Variants in CNTNAP3 observed in about 807,000 individuals in gnomAD.
CNTNAP3 encodes contactin associated protein family member 3, also known as contactin-associated protein-like 3.
Under a neutral mutation model 92.1 loss-of-function variants are expected in CNTNAP3, and 36 were observed. The ratio of observed to expected loss-of-function variants is 0.39; its 90% CI spans 0.30 to 0.52. The LOEUF (loss-of-function observed/expected upper bound fraction) is 0.52, where lower values mean the gene tolerates loss of function less well. Among genes scored for constraint, CNTNAP3 ranks in the 20% least tolerant of loss-of-function variants. The pLI, the probability that CNTNAP3 is intolerant of heterozygous loss-of-function variation, is 0.76. For missense variants in CNTNAP3, 534 were observed against 1,069.6 expected (o/e 0.50, Z 6.98); for synonymous variants, 232 against 422.3 (o/e 0.55, Z 5.53).
In CNTNAP3 at chr9:39,069,416, G is replaced by A. The variant is rs1438589016; in HGVS notation, c.*4474C>T. On this transcript the variant is annotated 3_prime_UTR_variant, in exon 24 of 24. Transcript: ENST00000297668. ...CTTAAATTTTTAGGTACCATCACAA[G>A]CTAGCTAAGTTAGAAATTTTCATAT... 6.6e-6 allele frequency among the ~76,000 whole-genome samples: 1 copy of A among 152,308 alleles called. No individual in the cohort carries two copies. The highest frequency in any genetic ancestry group is 1.5e-5 in the Non-Finnish European group (1 of 68,056).
chr9:39,108,625 G>A (rs1242427561), intron 15 of CNTNAP3, among the ~76,000 whole-genome samples: 8 of 152,184 alleles, frequency 5.3e-5, no homozygotes, highest in Non-Finnish European at 7.3e-5. Flanking sequence ...TACGCAGTAG[G>A]TAGATCCTCT....
chr9:39,095,935 AG>A (rs1826315091), intron 18 of CNTNAP3, among the ~76,000 whole-genome samples: 4 of 151,656 alleles, frequency 2.6e-5, no homozygotes, highest in South Asian at 2.1e-4. Context: ...AGAAAAAAAA[AG>A]ATCAAGTAAA....
rs1247889386 is a variant in CNTNAP3 at position 39,069,821 on chromosome 9, A to T, written c.*4069T>A. ...AGCTACATCCATTGGGAGTGATGTG[A>T]AGGAAGAGAAAAGCGTTGGACTCTA... is the stretch of plus-strand genomic sequence containing the variant. On this transcript the variant is annotated 3_prime_UTR_variant, in exon 24 of 24. Coordinates refer to ENST00000297668, the MANE Select transcript of CNTNAP3 (RefSeq NM_033655.5). Among the ~76,000 whole-genome samples the T allele has an allele frequency of 1.3e-5, 2 of 152,240 alleles. No homozygotes were observed. Among genetic ancestry groups the T allele is most frequent in the African/African-American group, 4.8e-5 (2 of 41,474 alleles).
intron 18 of CNTNAP3, among the ~76,000 whole-genome samples, chr9:39,096,860 ACTT>A: frequency 6.7e-6 from 1 of 148,718 alleles, no homozygotes; most frequent in East Asian, 2.0e-4. Context: ...CTGGATATAA[ACTT>A]CTTTGTGTCA....
chr9:39,161,933 A>G (rs1179501114), intron 9 of CNTNAP3, among the ~76,000 whole-genome samples: 1 of 125,500 alleles, frequency 8.0e-6, no homozygotes, highest in Non-Finnish European at 1.6e-5. Context: ...TGGACACAGG[A>G]CATGGCAAAA....
rs1825489671 is a variant in CNTNAP3, at chr9:39,065,398, T to C, written c.*8492A>G. On this transcript the variant is annotated 3_prime_UTR_variant, in exon 24 of 24. Transcript: ENST00000297668. ...TCTTGTTGAAGGTCTTTTAGGCAGT[T>C]TACAGTTTGGGGATATTATAAGTAA... Among the ~76,000 whole-genome samples the C allele has an allele frequency of 1.3e-5, 2 of 152,242 alleles. No individual in the cohort carries two copies. The highest frequency in any genetic ancestry group is 2.4e-5 in the African/African-American group (1 of 41,470).
chr9:39,114,584 C>T (rs1332053742), intron 14 of CNTNAP3, among the ~76,000 whole-genome samples: 1 of 152,160 alleles, frequency 6.6e-6, no homozygotes, highest in African/African-American at 2.4e-5. Context: ...TTAGTTTCAA[C>T]TTCACTGAGT....
chr9:39,123,389 C>A (rs1172730931), intron 13 of CNTNAP3, among the ~76,000 whole-genome samples: 1 of 152,110 alleles, frequency 6.6e-6, no homozygotes, highest in Non-Finnish European at 1.5e-5. Context: ...AGTCACCGCG[C>A]CCGACCCTGT....
At chr9:39,103,654 A>G (rs182924290) in intron 16 of CNTNAP3, 90 bp downstream of exon 16, 51 of 1,372,916 alleles carry the variant, frequency 3.7e-5, no homozygotes, top group African/African-American at 8.8e-5. Context: ...GAATCACAAA[A>G]TAAGAATGAA....
rs1436053303 is a variant in CNTNAP3 at position 39,073,531 on chromosome 9, C to T, written c.*359G>A. 3.1e-5 allele frequency: 10 copies of T among 323,720 alleles called. No homozygotes were observed. The highest frequency in any genetic ancestry group is 4.6e-5 in the Admixed American group (1 of 21,830). 20.1% of individuals were successfully genotyped at this position (323,720 alleles called of 1,614,324 possible). Reference sequence around the variant, plus strand: ...TAAAGTAGGGCCACAGCTTTATAGCCATTTTCTCATCTAAAACCCCACAAT... The same window carrying T: ...TAAAGTAGGGCCACAGCTTTATAGCTATTTTCTCATCTAAAACCCCACAAT... On this transcript the variant is annotated 3_prime_UTR_variant, in exon 24 of 24. Transcript: ENST00000297668.
intron 13 of CNTNAP3, among the ~76,000 whole-genome samples, chr9:39,125,280 T>C (rs1226128615): frequency 6.6e-6 from 1 of 152,036 alleles, no homozygotes; most frequent in Non-Finnish European, 1.5e-5. Flanking sequence ...ACACTGCATG[T>C]TCTCACTCAT....
Position 39,288,125 on chromosome 9 carries a change from T to C in CNTNAP3, c.-61A>G. 3 of 485,998 alleles carry C rather than the reference T, an allele frequency of 6.2e-6. 1 individual carries two copies. The highest frequency in any genetic ancestry group is 8.8e-6 in the Non-Finnish European group (3 of 340,036). 30.1% of individuals were successfully genotyped at this position (485,998 alleles called of 1,614,324 possible). A position where few individuals can be genotyped will look rare whatever the true frequency, so the allele number is the denominator to read the frequency against. On this transcript the variant is annotated 5_prime_UTR_variant, in exon 1 of 24. Transcript: ENST00000297668. ...GGCGACGGCCGCTCTGCGTCGCTCCTGCTCTCACTCCCGTCCCCTGCGCGG... is the reference window on the plus strand; with the variant it reads ...GGCGACGGCCGCTCTGCGTCGCTCCCGCTCTCACTCCCGTCCCCTGCGCGG...
chr9:39,105,723 G>A (rs1826587831), intron 15 of CNTNAP3, among the ~76,000 whole-genome samples: 1 of 152,116 alleles, frequency 6.6e-6, no homozygotes, highest in South Asian at 2.1e-4. Context: ...TCTTCAAGGA[G>A]TCGTGGTTTC....
At chr9:39,109,862 A>G (rs922312891) in intron 14 of CNTNAP3, among the ~76,000 whole-genome samples, 15 of 152,160 alleles carry the variant, frequency 9.9e-5, no homozygotes, top group African/African-American at 3.4e-4. Flanking sequence ...TATCTAAGTG[A>G]TTATTCATTA....
In CNTNAP3 at chr9:39,073,320, C is replaced by G. The variant is rs1587690682; in HGVS notation, c.*570G>C. ...AAAGGGCTGTGAATTTTAGATAGGC[C>G]ACTTGGCTCTGGATTCCAGGACTAT... On this transcript the variant is annotated 3_prime_UTR_variant, in exon 24 of 24. Coordinates refer to ENST00000297668, the MANE Select transcript of CNTNAP3 (RefSeq NM_033655.5). 1.7e-5 allele frequency: 4 copies of G among 237,920 alleles called. No individual in the cohort carries two copies. The East Asian group carries it at 4.6e-4, about 27-fold the overall frequency. The allele number at this position is 237,920 out of a possible 1,614,324, so 14.7% of individuals were successfully genotyped here. A position where few individuals can be genotyped will look rare whatever the true frequency, so the allele number is the denominator to read the frequency against.
chr9:39,107,990 C>T (rs1160100023), intron 15 of CNTNAP3, among the ~76,000 whole-genome samples: 4 of 151,950 alleles, frequency 2.6e-5, no homozygotes, highest in Admixed American at 2.0e-4. Flanking sequence ...GAGATTTCAC[C>T]CTACTTGCAA....
At chr9:39,161,931 G>T (rs907424954) in intron 9 of CNTNAP3, among the ~76,000 whole-genome samples, 1 of 122,408 alleles carries the variant, frequency 8.2e-6, no homozygotes, top group Non-Finnish European at 1.6e-5. Context: ...TTTGGACACA[G>T]GACATGGCAA....
chr9:39,125,577 T>C (rs1330973894), intron 13 of CNTNAP3, among the ~76,000 whole-genome samples: 2 of 152,136 alleles, frequency 1.3e-5, no homozygotes, highest in Non-Finnish European at 2.9e-5. Flanking sequence ...CACCTACATG[T>C]TGTCTACTGA....
chr9:39,149,769 A>G, intron 10 of CNTNAP3, 37 bp downstream of exon 10: 1 of 1,365,160 alleles, frequency 7.3e-7, no homozygotes, highest in South Asian at 1.4e-5. Flanking sequence ...TCAACTTTGA[A>G]AACAGGCAAG....
Sources: gnomAD v4.1 joint callset for allele counts (sites outside exome capture counted in the v4.1 genomes callset) on GRCh38, gnomAD v4.1.1 for gene constraint, MANE v1.5 for transcripts, NCBI Gene and HGNC (gene_info 2026-07-23, HGNC 2026-07-21) for gene names.